EXOC4: variants seen among roughly 807,000 people sequenced by gnomAD.
EXOC4 encodes the protein exocyst complex component 4.
EXOC4 carries 71 observed loss-of-function variants against 107.2 expected under a neutral mutation model. That is an observed-to-expected ratio of 0.66 (90% CI 0.55 to 0.81). The LOEUF (loss-of-function observed/expected upper bound fraction) is 0.81, where lower values mean the gene tolerates loss of function less well. Among genes scored for constraint, EXOC4 ranks in the 30% least tolerant of loss-of-function variants. The pLI is 0.00. For synonymous variants in EXOC4, 456 were observed against 441.2 expected, an observed-to-expected ratio of 1.03 and a Z score of -0.42; for missense variants, 1,108 against 1,189.6, an observed-to-expected ratio of 0.93 and a Z score of 1.01.
the EXOC4 span, among the ~76,000 whole-genome samples, chr7:134,089,761 A>G: frequency 6.6e-6 from 1 of 152,200 alleles, no homozygotes. Context: ...ACTTTAGGAC[A>G]AGAATTTACC....
chr7:134,050,488 G>GT (rs57598932), intron 17 of EXOC4, among the ~76,000 whole-genome samples: 1,801 of 145,094 alleles, frequency 0.012, 26 homozygotes, highest in African/African-American at 0.043. Flanking sequence ...AATATTAAGA[G>GT]TTTTTTTTTA....
At chr7:133,855,788 A>G (rs1798361457) in intron 11 of EXOC4, among the ~76,000 whole-genome samples, 1 of 152,214 alleles carries the variant, frequency 6.6e-6, no homozygotes, top group Admixed American at 6.5e-5. Context: ...CAGTTATTAC[A>G]TGGCTGCAAT....
chr7:133,887,605 A>C (rs900541284), intron 11 of EXOC4, among the ~76,000 whole-genome samples: 3 of 152,168 alleles, frequency 2.0e-5, no homozygotes, highest in Non-Finnish European at 4.4e-5. Context: ...TTATTAGAGA[A>C]CTAAATTGAG....
intron 17 of EXOC4, among the ~76,000 whole-genome samples, chr7:134,015,022 A>C (rs1656728372): frequency 6.6e-6 from 1 of 152,224 alleles, no homozygotes; most frequent in South Asian, 2.1e-4. Flanking sequence ...TATCCAGAAT[A>C]GGGAGAAAGT....
intron 10 of EXOC4, among the ~76,000 whole-genome samples, chr7:133,753,200 A>G (rs1585122522): frequency 6.6e-6 from 1 of 152,196 alleles, no homozygotes; most frequent in East Asian, 1.9e-4. Context: ...AATATAGAAA[A>G]CTTGATCCAT....
intron 13 of EXOC4, among the ~76,000 whole-genome samples, chr7:133,937,256 G>A (rs1800325627): frequency 6.6e-6 from 1 of 152,066 alleles, no homozygotes; most frequent in Non-Finnish European, 1.5e-5. Context: ...TATTTTTCCA[G>A]TCAGTAAAAG....
intron 9 of EXOC4, among the ~76,000 whole-genome samples, chr7:133,571,081 C>G (rs1238309160): frequency 6.6e-6 from 1 of 152,062 alleles, no homozygotes; most frequent in African/African-American, 2.4e-5. Flanking sequence ...TTAGAATCTT[C>G]TAGAAGATAC....
intron 5 of EXOC4, among the ~76,000 whole-genome samples, chr7:133,318,138 C>T (rs959064422): frequency 6.6e-6 from 1 of 152,220 alleles, no homozygotes; most frequent in East Asian, 1.9e-4. Context: ...CTCTCCACTT[C>T]TAAATGTGCA....
intron 10 of EXOC4, among the ~76,000 whole-genome samples, chr7:133,800,031 CCAT>C (rs1796901883): frequency 6.7e-6 from 1 of 149,444 alleles, no homozygotes; most frequent in African/African-American, 2.5e-5. Flanking sequence ...ATCCATCCAT[CCAT>C]CCATCCACCC....
chr7:133,990,047 TG>T (rs1794214829), intron 14 of EXOC4, among the ~76,000 whole-genome samples: 1 of 152,226 alleles, frequency 6.6e-6, no homozygotes, highest in South Asian at 2.1e-4. Context: ...TGTGATATTT[TG>T]ATAAATGTAT....
chr7:133,556,509 A>G (rs575266657), intron 9 of EXOC4, among the ~76,000 whole-genome samples: 1 of 152,330 alleles, frequency 6.6e-6, no homozygotes, highest in African/African-American at 2.4e-5. Flanking sequence ...ACACTGTCCA[A>G]AAAGAAATAG....
chr7:133,705,809 A>T (rs996940309), intron 10 of EXOC4, among the ~76,000 whole-genome samples: 1 of 152,248 alleles, frequency 6.6e-6, no homozygotes, highest in Non-Finnish European at 1.5e-5. Context: ...AGAGTGGGAC[A>T]GCATGAGATG....
At chr7:133,983,261 C>T (rs980143346) in intron 14 of EXOC4, among the ~76,000 whole-genome samples, 33 of 152,160 alleles carry the variant, frequency 2.2e-4, no homozygotes, top group Non-Finnish European at 3.2e-4. Flanking sequence ...GGCCCCACCT[C>T]CAACATTGGG....
rs1799846508 is a variant in EXOC4, at chr7:133,917,874, C to G, written c.2027+136C>G. 4.8e-6 allele frequency: 4 copies of G among 825,398 alleles called. No individual in the cohort carries two copies. The East Asian group carries it at 1.1e-4, about 23-fold the overall frequency. The allele number at this position is 825,398 out of a possible 1,614,324, so 51.1% of individuals were successfully genotyped here. A position where few individuals can be genotyped will look rare whatever the true frequency, so the allele number is the denominator to read the frequency against. ...ACTTGAACTTAGTAAAATATGTTTT[C>G]CTCCTGTCTCACCTCATTTCCCATG... On this transcript the variant is annotated intron_variant, in intron 13 of 17. Coordinates refer to ENST00000253861, the MANE Select transcript of EXOC4 (RefSeq NM_021807.4).
intron 1 of EXOC4, among the ~76,000 whole-genome samples, chr7:133,265,354 C>A (rs1339544105): frequency 1.3e-5 from 2 of 151,280 alleles, no homozygotes; most frequent in Admixed American, 6.6e-5. Context: ...TCACTGGGGC[C>A]AAGATCGCGC....
intron 10 of EXOC4, 66 bp from the exon 11 acceptor site, chr7:133,817,259 C>A: frequency 8.9e-7 from 1 of 1,129,038 alleles, no homozygotes; most frequent in Non-Finnish European, 1.3e-6. Context: ...TACTCATGTC[C>A]TCATGTCGTA....
intron 10 of EXOC4, among the ~76,000 whole-genome samples, chr7:133,640,210 C>T (rs1026291048): frequency 1.3e-5 from 2 of 152,044 alleles, no homozygotes; most frequent in African/African-American, 4.8e-5. Flanking sequence ...ATCCCTTTCC[C>T]TGAGAGATAA....
At chr7:134,015,072 A>T (rs28489899) in intron 17 of EXOC4, among the ~76,000 whole-genome samples, 24,123 of 152,102 alleles carry the variant, frequency 0.16, 2,694 homozygotes, top group East Asian at 0.42. Context: ...ACTGGAGAAG[A>T]TGTTCAAGGA....
intron 11 of EXOC4, among the ~76,000 whole-genome samples, chr7:133,857,147 C>CATAT (rs1798399519): frequency 7.9e-4 from 15 of 19,108 alleles, no homozygotes; most frequent in East Asian, 2.9e-3. Flanking sequence ...TACACATACA[C>CATAT]GTATATATAT....
Sources: allele counts gnomAD v4.1 joint callset (sites outside exome capture counted in the v4.1 genomes callset), GRCh38; gene constraint gnomAD v4.1.1; transcripts MANE v1.5; gene names NCBI Gene and HGNC (gene_info 2026-07-23, HGNC 2026-07-21).